The following ANK3 variants were observed in gnomAD, a reference collection of about 807,000 sequenced individuals.
The protein encoded by ANK3 is ankyrin 3.
Under a neutral mutation model 370.9 loss-of-function variants are expected in ANK3, and 57 were observed. The observed-to-expected ratio is 0.15, with a 90% CI of 0.12 to 0.19. The LOEUF (loss-of-function observed/expected upper bound fraction) is 0.19. Ranked by LOEUF, ANK3 falls within the 10% of genes least tolerant of loss-of-function variation. The pLI is 1.00. For synonymous variants in ANK3, 1,929 were observed against 1,946.3 expected (o/e 0.99, Z 0.23); for missense variants, 4,439 against 5,302.1 (o/e 0.84, Z 5.06).
At chr10:60,191,594 G>C (rs2096482992) in intron 16 of ANK3, among the ~76,000 whole-genome samples, 1 of 152,162 alleles carries the variant, frequency 6.6e-6, no homozygotes, top group South Asian at 2.1e-4. Flanking sequence ...TGGTGAGGAT[G>C]CAGAGAAAAG....
intron 1 of ANK3, among the ~76,000 whole-genome samples, chr10:60,383,286 A>G (rs571562644): frequency 6.6e-6 from 1 of 152,276 alleles, no homozygotes; most frequent in Non-Finnish European, 1.5e-5. Flanking sequence ...CTGCAACAAC[A>G]CTATGGCTTT....
chr10:60,632,187 T>A (rs1588946762), intron 1 of ANK3, among the ~76,000 whole-genome samples: 2 of 16,126 alleles, frequency 1.2e-4, no homozygotes, highest in Non-Finnish European at 3.2e-4. Context: ...CATTTAATGT[T>A]ATGTTATCTT....
intron 1 of ANK3, among the ~76,000 whole-genome samples, chr10:60,709,327 A>G (rs1339293303): frequency 2.4e-5 from 3 of 124,620 alleles, no homozygotes; most frequent in Non-Finnish European, 5.2e-5. Flanking sequence ...CTATATCTAT[A>G]TCTATATCTA....
In ANK3 at chr10:60,069,307, C is replaced by T. The variant is rs374309840; in HGVS notation, c.11574G>A (p.Gly3858=). ...TGGGAAGTTTGGATTTTTGCCTAAT[C>T]CCTATCAATTCCTTTGTTTTTTGCT... ...GEQQKTKELI[G]IRQKSKLPIK... The change falls in exon 37 of 44, where the codon GGG becomes GGA. Residue 3858 remains glycine (G), a synonymous_variant. Transcript: ENST00000280772. The T allele has an allele frequency of 3.1e-6, 5 of 1,613,946 alleles. No individual in the cohort carries two copies. In the African/African-American group the frequency reaches 4.0e-5, roughly 13 times the overall value.
Position 60,074,260 on chromosome 10 carries a change from G to A in ANK3, c.6621C>T (p.Pro2207=), listed in dbSNP as rs61732396. The change falls in exon 37 of 44, where the codon CCC becomes CCT. Residue 2207 remains proline, a synonymous_variant. Transcript: ENST00000280772. The stretch of plus-strand genomic sequence containing the variant: ...CCTTTTCTTTAATACTAGAGGTGGT[G>A]GGCTTTGGTTCCAATTCCATAAAAG... The part of the protein sequence containing the change: ...SPTFMELEPK[P]TTSSIKEKVK... 8.2e-4 allele frequency: 1,323 copies of A among 1,614,096 alleles called. 7 individuals carry two copies. The African/African-American group carries it at 0.016, about 19-fold the overall frequency.
intron 2 of ANK3, among the ~76,000 whole-genome samples, chr10:60,486,504 C>T (rs1234542434): frequency 6.6e-6 from 1 of 152,172 alleles, no homozygotes; most frequent in African/African-American, 2.4e-5. Context: ...CACTTGAACC[C>T]AGGAGGCAGA....
chr10:60,435,404 CT>C (rs1209080721), intron 2 of ANK3, among the ~76,000 whole-genome samples: 1 of 152,154 alleles, frequency 6.6e-6, no homozygotes, highest in Non-Finnish European at 1.5e-5. Context: ...AGCACATTTT[CT>C]TTTCTTAGAA....
chr10:60,178,242 C>T (rs2096037072), intron 18 of ANK3, among the ~76,000 whole-genome samples: 1 of 152,200 alleles, frequency 6.6e-6, no homozygotes. Context: ...CAAGCTTCCT[C>T]TATCCTACCC....
At chr10:60,376,026 G>T (rs752224068) in intron 1 of ANK3, among the ~76,000 whole-genome samples, 22 of 152,206 alleles carry the variant, frequency 1.4e-4, no homozygotes, top group Non-Finnish European at 2.6e-4. Flanking sequence ...TTCATGGTAG[G>T]CATTATTATG....
intron 2 of ANK3, among the ~76,000 whole-genome samples, chr10:60,515,905 G>T (rs1419679166): frequency 6.6e-6 from 1 of 152,130 alleles, no homozygotes; most frequent in African/African-American, 2.4e-5. Flanking sequence ...AGTGCTAAGT[G>T]CTGGATAAAC....
intron 1 of ANK3, among the ~76,000 whole-genome samples, chr10:60,306,629 A>G (rs900036813): frequency 1.3e-5 from 2 of 152,038 alleles, no homozygotes; most frequent in African/African-American, 4.8e-5. Context: ...TTCTACTTTT[A>G]GTTCTTTAAG....
At chr10:60,137,374 G>GAAAAAA (rs201151245) in intron 24 of ANK3, 31,318 of 162,398 alleles carry the variant, frequency 0.19, 4,563 homozygotes, top group Non-Finnish European at 0.22. Context: ...GTAATTTTAG[G>GAAAAAA]AAAAAAAAAA....
chr10:60,453,562 T>C (rs1330747575), intron 2 of ANK3, among the ~76,000 whole-genome samples: 1 of 152,202 alleles, frequency 6.6e-6, no homozygotes, highest in Admixed American at 6.5e-5. Context: ...GGGATTCAGG[T>C]AGGATCTAGA....
At chr10:60,556,096 C>T (rs2077200482) in intron 2 of ANK3, among the ~76,000 whole-genome samples, 1 of 152,200 alleles carries the variant, frequency 6.6e-6, no homozygotes, top group African/African-American at 2.4e-5. Context: ...GGGGCATCCT[C>T]TGACTCCAGA....
At chr10:60,697,209 C>A (rs947269992) in intron 1 of ANK3, among the ~76,000 whole-genome samples, 1 of 149,406 alleles carries the variant, frequency 6.7e-6, no homozygotes, top group Non-Finnish European at 1.5e-5. Context: ...ATGTGAAGGA[C>A]CTCTTCAAGG....
At position 60,037,252 on chromosome 10, in the gene ANK3, G is replaced by T. The variant is rs10994159; in HGVS notation, c.*19+5420C>A. On this transcript the variant is annotated intron_variant, in intron 43 of 43. Coordinates refer to ENST00000280772, the MANE Select transcript of ANK3 (RefSeq NM_020987.5). ...TTCTCTAGATAGTCCGTGCTCTTGTGTTTTTTTTAAAGAGGGAAAAAAGAC... is the reference window on the plus strand; with the variant it reads ...TTCTCTAGATAGTCCGTGCTCTTGTTTTTTTTTTAAAGAGGGAAAAAAGAC... Among the ~76,000 whole-genome samples, 28 of 152,058 alleles carry T rather than the reference G, an allele frequency of 1.8e-4. No individual in the cohort carries two copies. In the East Asian group the frequency reaches 5.4e-3, roughly 29 times the overall value.
intron 2 of ANK3, among the ~76,000 whole-genome samples, chr10:60,522,507 T>A (rs2076371819): frequency 6.6e-6 from 1 of 152,014 alleles, no homozygotes; most frequent in Admixed American, 6.6e-5. Flanking sequence ...TCTTTGACCT[T>A]CTACCTGGAC....
At chr10:60,203,627 A>G (rs1202880135) in intron 11 of ANK3, among the ~76,000 whole-genome samples, 1 of 152,248 alleles carries the variant, frequency 6.6e-6, no homozygotes, top group Non-Finnish European at 1.5e-5. Flanking sequence ...AGTTTCAAAC[A>G]TTTAATTGTT....
chr10:60,339,874 A>G (rs1396327523), intron 1 of ANK3, among the ~76,000 whole-genome samples: 1 of 152,198 alleles, frequency 6.6e-6, no homozygotes, highest in East Asian at 1.9e-4. Flanking sequence ...GCCAACAAAT[A>G]TGACTTTTTG....
Sources: allele counts gnomAD v4.1 joint callset (sites outside exome capture counted in the v4.1 genomes callset), GRCh38; gene constraint gnomAD v4.1.1; transcripts MANE v1.5; gene names NCBI Gene and HGNC (gene_info 2026-07-23, HGNC 2026-07-21).